Variants in CECR2 observed in about 807,000 individuals in gnomAD.
CECR2 encodes the protein CECR2 histone acetyl-lysine reader.
In CECR2, 30 loss-of-function variants were observed where a neutral mutation model predicts 154.5. The observed-to-expected ratio is 0.19, with a 90% CI of 0.15 to 0.26. The LOEUF is 0.26. Ranked by LOEUF, CECR2 falls within the 10% of genes least tolerant of loss-of-function variation. The pLI, the probability that CECR2 is intolerant of heterozygous loss-of-function variation, is 1.00. For missense variants in CECR2, 1,743 were observed against 1,829.3 expected (o/e 0.95, Z 0.86); for synonymous variants, 725 against 683.7 (o/e 1.06, Z -0.94).
intron 2 of CECR2, among the ~76,000 whole-genome samples, chr22:17,481,013 G>A (rs917627092): frequency 1.6e-5 from 2 of 128,458 alleles, no homozygotes; most frequent in Non-Finnish European, 3.3e-5. Flanking sequence ...GCACTCCAGC[G>A]TGGGCGAAAG....
At chr22:17,475,824 T>G (rs958919752) in intron 1 of CECR2, among the ~76,000 whole-genome samples, 1 of 152,056 alleles carries the variant, frequency 6.6e-6, no homozygotes, top group Non-Finnish European at 1.5e-5. Flanking sequence ...AGATCTTGAA[T>G]TCCTATTTCT....
Position 17,552,670 on chromosome 22 carries a change from T to A in CECR2, c.4390-165T>A, listed in dbSNP as rs931867083. Among the ~76,000 whole-genome samples the A allele has an allele frequency of 2.0e-5, 3 of 151,764 alleles. No homozygotes were observed. In the East Asian group the frequency reaches 5.8e-4, roughly 29 times the overall value. ...TGGGACTGGGATCTGAATTGAGAAGTCCAGGACTCTAGAACCTACCCTCTG... is the reference window on the plus strand; with the variant it reads ...TGGGACTGGGATCTGAATTGAGAAGACCAGGACTCTAGAACCTACCCTCTG... On this transcript the variant is annotated intron_variant, in intron 18 of 18. Coordinates refer to ENST00000262608, the MANE Select transcript of CECR2 (RefSeq NM_001290047.2).
At chr22:17,497,114 G>A (rs927247388) in intron 2 of CECR2, among the ~76,000 whole-genome samples, 13 of 152,026 alleles carry the variant, frequency 8.6e-5, no homozygotes, top group Non-Finnish European at 1.8e-4. Flanking sequence ...GGCAACATAG[G>A]GAGACCCCTG....
chr22:17,406,016 T>C (rs1308554463), intron 1 of CECR2, among the ~76,000 whole-genome samples: 1 of 152,238 alleles, frequency 6.6e-6, no homozygotes, highest in African/African-American at 2.4e-5. Flanking sequence ...TACGAATATA[T>C]TAGAAGTGTA....
intron 4 of CECR2, 93 bp downstream of exon 4, chr22:17,499,642 C>A: frequency 7.7e-7 from 1 of 1,304,578 alleles, no homozygotes; most frequent in Non-Finnish European, 1.0e-6. Flanking sequence ...TTTTTTTTTC[C>A]TAATGAAGGA....
At chr22:17,471,771 G>T (rs1299893876) in intron 1 of CECR2, among the ~76,000 whole-genome samples, 2 of 152,096 alleles carry the variant, frequency 1.3e-5, no homozygotes, top group African/African-American at 4.8e-5. Flanking sequence ...CTGACCTCAG[G>T]TGATCCACCT....
chr22:17,516,342 G>A (rs952277638), intron 8 of CECR2, among the ~76,000 whole-genome samples: 11 of 151,982 alleles, frequency 7.2e-5, no homozygotes, highest in African/African-American at 2.4e-4. Context: ...ACATGCACCT[G>A]TGTGTACACA....
At position 17,449,112 on chromosome 22, in the gene CECR2, C is replaced by T. The variant is rs552774792; in HGVS notation, c.127-28476C>T. Among the ~76,000 whole-genome samples the T allele has an allele frequency of 2.0e-5, 3 of 152,234 alleles. No homozygotes were observed. In the East Asian group the frequency reaches 5.8e-4, roughly 29 times the overall value. Reference sequence around the variant, plus strand: ...CAAGCTGATCCTGAACTACTGACCTCAAGGGATCTGCCTGCCTCTGCCTCC... The same window carrying T: ...CAAGCTGATCCTGAACTACTGACCTTAAGGGATCTGCCTGCCTCTGCCTCC... On this transcript the variant is annotated intron_variant, in intron 1 of 18. Transcript: ENST00000262608.
At chr22:17,378,046 C>T (rs1207144855) in intron 1 of CECR2, among the ~76,000 whole-genome samples, 11 of 149,566 alleles carry the variant, frequency 7.4e-5, no homozygotes, top group Admixed American at 1.3e-4. Flanking sequence ...TGCAGTGGCG[C>T]TATCTTGGCT....
intron 1 of CECR2, among the ~76,000 whole-genome samples, chr22:17,428,798 T>TTGTGTGTGTG (rs60474818): frequency 0.1 from 13,903 of 136,308 alleles, 775 homozygotes; most frequent in African/African-American, 0.15. Context: ...ATGTTTTTAT[T>TTGTGTGTGTG]TGTGTGTGTG....
At chr22:17,481,724 A>T (rs540196309) in intron 2 of CECR2, among the ~76,000 whole-genome samples, 4 of 152,256 alleles carry the variant, frequency 2.6e-5, no homozygotes, top group African/African-American at 9.6e-5. Context: ...TCCCCTAGAG[A>T]TATTATTGCC....
chr22:17,439,480 G>A (rs1044562270), intron 1 of CECR2, among the ~76,000 whole-genome samples: 4 of 152,048 alleles, frequency 2.6e-5, no homozygotes, highest in African/African-American at 9.7e-5. Flanking sequence ...AAACAGCCCA[G>A]TGGAACAATG....
chr22:17,398,267 C>T lies in CECR2; in HGVS notation c.126+28358C>T, dbSNP rs1217133371. Among the ~76,000 whole-genome samples, 6 of 151,920 alleles carry T rather than the reference C, an allele frequency of 3.9e-5. No homozygotes were observed. In the East Asian group the frequency reaches 1.2e-3, roughly 29 times the overall value. On this transcript the variant is annotated intron_variant, in intron 1 of 18. Transcript: ENST00000262608. Reference sequence around the variant, plus strand: ...AGAGGGAGCGTTGGGCCCAAGAAAGCTGGACTGCCGGCCTGGTATGACTCG... The same window carrying T: ...AGAGGGAGCGTTGGGCCCAAGAAAGTTGGACTGCCGGCCTGGTATGACTCG...
At chr22:17,479,475 C>T (rs1031889295) in intron 2 of CECR2, among the ~76,000 whole-genome samples, 1 of 152,162 alleles carries the variant, frequency 6.6e-6, no homozygotes, top group Non-Finnish European at 1.5e-5. Context: ...AAAAATACAA[C>T]ATATTAACAG....
intron 1 of CECR2, among the ~76,000 whole-genome samples, chr22:17,465,773 ACG>A (rs1274929212): frequency 1.3e-5 from 2 of 152,128 alleles, no homozygotes; most frequent in East Asian, 3.9e-4. Context: ...GTGAGCCATC[ACG>A]CCCAGCCTAA....
At chr22:17,398,136 T>C (rs1207495718) in intron 1 of CECR2, among the ~76,000 whole-genome samples, 1 of 152,092 alleles carries the variant, frequency 6.6e-6, no homozygotes, top group African/African-American at 2.4e-5. Context: ...AGTTGAGGAA[T>C]ACATTGATTA....
intron 1 of CECR2, among the ~76,000 whole-genome samples, chr22:17,414,501 CTT>C (rs11421612): frequency 7.5e-6 from 1 of 132,456 alleles, no homozygotes; most frequent in African/African-American, 2.8e-5. Context: ...TATCAGTTTT[CTT>C]TTTTTTTTCC....
chr22:17,501,590 T>C (rs1202261178), intron 5 of CECR2, among the ~76,000 whole-genome samples: 1 of 152,152 alleles, frequency 6.6e-6, no homozygotes, highest in Non-Finnish European at 1.5e-5. Flanking sequence ...ACTCAGATCC[T>C]GATTTTAACT....
At chr22:17,550,551 A>G (rs1277797141) in intron 17 of CECR2, 76 of 152,618 alleles carry the variant, frequency 5.0e-4, no homozygotes, top group Non-Finnish European at 2.1e-4. Context: ...ACAAGTCCCC[A>G]TGAGACTTCT....
Sources: allele counts gnomAD v4.1 joint callset (sites outside exome capture counted in the v4.1 genomes callset), GRCh38; gene constraint gnomAD v4.1.1; transcripts MANE v1.5; gene names NCBI Gene and HGNC (gene_info 2026-07-23, HGNC 2026-07-21).